P2RX5: variants seen among roughly 807,000 people sequenced by gnomAD.
The protein encoded by P2RX5 is P2X purinoceptor 5.
In P2RX5, 46 loss-of-function variants were observed where a neutral mutation model predicts 54.1. The observed-to-expected ratio is 0.85, with a 90% confidence interval of 0.67 to 1.09. The LOEUF is 1.09. P2RX5 is among the 50% of genes least tolerant of loss of function. The probability of loss-of-function intolerance (pLI) is 0.00; values close to 1 mark genes in which losing one functional copy is unlikely to be tolerated. For missense variants in P2RX5, 566 were observed against 549.8 expected (o/e 1.03, Z -0.29); for synonymous variants, 226 against 226.4 (o/e 1.00, Z 0.02).
At chr17:3,720,512 T>C in the P2RX5 span, 2 of 636,402 alleles carry the variant, frequency 3.1e-6, no homozygotes, top group Non-Finnish European at 5.7e-6. Context: ...CTGGGCTTAG[T>C]TAATGGCCCT....
intron 10 of P2RX5, among the ~76,000 whole-genome samples, chr17:3,680,077 T>A (rs1352690163): frequency 1.8e-4 from 21 of 115,642 alleles, no homozygotes; most frequent in African/African-American, 3.4e-4. Context: ...TCCACCTGGC[T>A]TCCTCCATCC....
chr17:3,683,748 A>AAAAAAG (rs71379594), intron 9 of P2RX5, among the ~76,000 whole-genome samples: 1 of 142,410 alleles, frequency 7.0e-6, no homozygotes. Flanking sequence ...AAAAAAAAAA[A>AAAAAAG]GAAAAGTGAT....
At chr17:3,682,471 C>T (rs1427610570) in intron 9 of P2RX5, 3 of 206,850 alleles carry the variant, frequency 1.5e-5, no homozygotes, top group Admixed American at 1.1e-4. Context: ...AAGGACATTA[C>T]GGAGGGAGGA....
the P2RX5 span, among the ~76,000 whole-genome samples, chr17:3,703,046 G>C: frequency 6.6e-6 from 1 of 152,070 alleles, no homozygotes; most frequent in African/African-American, 2.4e-5. Context: ...AAATGTGCTG[G>C]GGGCCTCACC....
At chr17:3,709,035 TC>T in the P2RX5 span, among the ~76,000 whole-genome samples, 1 of 152,010 alleles carries the variant, frequency 6.6e-6, no homozygotes, top group Non-Finnish European at 1.5e-5. Flanking sequence ...CACTGCAACA[TC>T]CCCCTCCCGT....
rs1425452811 is a variant in P2RX5, at chr17:3,695,947, T to C, written c.59A>G (p.Lys20Arg). 5 of 1,613,838 alleles carry C rather than the reference T, an allele frequency of 3.1e-6. No individual in the cohort carries two copies. In the East Asian group the frequency reaches 6.7e-5, roughly 22 times the overall value. ...CLSLFDYKTEKYVIAKNKKVG... is the reference protein window; with the variant it reads ...CLSLFDYKTERYVIAKNKKVG... ...CTTCTTGTTCTTGGCGATGACATAC[T>C]TCTCGGTCTTGTAGTCGAACAGCGA... Residue 20 changes from lysine (K) to arginine (R), a missense_variant, in exon 1 of 12, where the codon AAG becomes AGG. Coordinates refer to ENST00000225328, the MANE Select transcript of P2RX5 (RefSeq NM_002561.4).
rs939932544 is a variant in P2RX5, at chr17:3,688,501, A to G, written c.887+125T>C. 1.1e-5 allele frequency: 12 copies of G among 1,051,674 alleles called. No homozygotes were observed. The South Asian group carries it at 1.5e-4, about 13-fold the overall frequency. 65.1% of individuals were successfully genotyped at this position (1,051,674 alleles called of 1,614,324 possible). On this transcript the variant is annotated intron_variant, in intron 8 of 11. Coordinates refer to ENST00000225328, the MANE Select transcript of P2RX5 (RefSeq NM_002561.4). ...CTGGGGTCCACACCTCTCCTGGGCC[A>G]TCTGTCCCTGCACCTCCCGCTCTGA...
chr17:3,684,691 C>G (rs143389568), intron 9 of P2RX5, among the ~76,000 whole-genome samples: 1 of 152,144 alleles, frequency 6.6e-6, no homozygotes, highest in African/African-American at 2.4e-5. Flanking sequence ...AAACCTCCTA[C>G]GACACCCAGC....
At chr17:3,680,410 A>T (rs111433187) in intron 10 of P2RX5, among the ~76,000 whole-genome samples, 284 of 24,682 alleles carry the variant, frequency 0.012, no homozygotes, top group Middle Eastern at 0.036. Flanking sequence ...TCCTCCACCC[A>T]GCGTCCTCCA....
At chr17:3,691,246 C>T (rs554045588) in intron 2 of P2RX5, among the ~76,000 whole-genome samples, 3 of 152,336 alleles carry the variant, frequency 2.0e-5, no homozygotes, top group Middle Eastern at 3.4e-3. Context: ...CCAACTGCCC[C>T]AGGATCCGGG....
At chr17:3,689,935 CACACACGCGA>C (rs2050561024) in intron 6 of P2RX5, 125 bp downstream of exon 6, 13 of 889,352 alleles carry the variant, frequency 1.5e-5, no homozygotes, top group South Asian at 3.9e-5. Flanking sequence ...CGCACACACG[CACACACGCGA>C]ACACACGCAC....
intron 10 of P2RX5, among the ~76,000 whole-genome samples, chr17:3,681,000 T>A (rs1473762362): frequency 1.5e-5 from 2 of 137,512 alleles, no homozygotes; most frequent in Non-Finnish European, 3.1e-5. Flanking sequence ...TCCTCCACCC[T>A]GCATCCTCCA....
chr17:3,699,084 C>T (rs1318592823), upstream of P2RX5, among the ~76,000 whole-genome samples: 245 of 125,486 alleles, frequency 2.0e-3, no homozygotes, highest in East Asian at 3.9e-3. Context: ...CACACACACA[C>T]ACACACACAC....
chr17:3,697,697 C>T (rs1445531721), upstream of P2RX5, among the ~76,000 whole-genome samples: 2 of 152,198 alleles, frequency 1.3e-5, no homozygotes, highest in East Asian at 1.9e-4. Flanking sequence ...GGGCTGGGAA[C>T]CTGTATTTTG....
chr17:3,679,514 G>T, intron 11 of P2RX5, 76 bp downstream of exon 11: 1 of 1,355,938 alleles, frequency 7.4e-7, no homozygotes, highest in South Asian at 1.2e-5. Flanking sequence ...GGAGCTGCCA[G>T]GCATGAGAAG....
chr17:3,679,650 C>G lies in P2RX5; in HGVS notation c.1199G>C (p.Arg400Pro), dbSNP rs779942046. Residue 400 changes from arginine to proline, a missense_variant, in exon 11 of 12, where the codon CGT becomes CCT. By Grantham distance (103) the Arg-to-Pro change is moderately radical (BLOSUM62 -2). Transcript: ENST00000225328. ...GTTCCCCTTCTGACTGCTGCTTCCA[C>G]GCTTCGCCTCGGGTGGCTCCTGCAG... Reference protein sequence around the residue: ...QELQEPPEAKRGSSSQKGNGS... With the variant: ...QELQEPPEAKPGSSSQKGNGS... 31 of 1,610,448 alleles carry G rather than the reference C, an allele frequency of 1.9e-5. No homozygotes were observed. The highest frequency in any genetic ancestry group is 2.4e-5 in the Non-Finnish European group (28 of 1,179,842).
At chr17:3,699,868 A>AG (rs1368568342), upstream of P2RX5, among the ~76,000 whole-genome samples, 1 of 32,766 alleles carries the variant, frequency 3.1e-5, no homozygotes, top group Non-Finnish European at 1.4e-4. Context: ...AAAGAAAGAA[A>AG]GAAAGAAAGG....
chr17:3,673,602 G>C lies in P2RX5; in HGVS notation c.*266C>G. 1 of 1,413,996 alleles carries C rather than the reference G, an allele frequency of 7.1e-7. No homozygotes were observed. The highest frequency in any genetic ancestry group is 2.6e-5 in the East Asian group (1 of 38,188). The allele number at this position is 1,413,996 out of a possible 1,614,324, so 87.6% of individuals were successfully genotyped here. On this transcript the variant is annotated 3_prime_UTR_variant, in exon 12 of 12. Coordinates refer to ENST00000225328, the MANE Select transcript of P2RX5 (RefSeq NM_002561.4). ...TTCCCCATTTACAACCCGTTCCCTA[G>C]TGCGGGAAGCCAGCCACGGAGAAAG...
rs772645092 is a variant in P2RX5, at chr17:3,688,640, G to A, written c.873C>T (p.Ser291=). 4.0e-5 allele frequency: 65 copies of A among 1,613,948 alleles called. No individual in the cohort carries two copies. Among genetic ancestry groups the A allele is most frequent in the East Asian group, 1.1e-4 (5 of 44,900 alleles). The change falls in exon 8 of 12, where the codon TCC becomes TCT. Residue 291 remains serine (S), a synonymous_variant. Transcript: ENST00000225328. ...LDNKLSKSVS[S]GYNFRFARYY... ...GCAGCGGTTACCTGAAGTTGTACCC[G>A]GAGGAGACAGACTTTGAAAGTTTAT...
Sources: allele counts gnomAD v4.1 joint callset (sites outside exome capture counted in the v4.1 genomes callset), GRCh38; gene constraint gnomAD v4.1.1; transcripts MANE v1.5; gene names NCBI Gene and HGNC (gene_info 2026-07-23, HGNC 2026-07-21).